Variants in UGGT1 observed in about 807,000 individuals in gnomAD.
UGGT1 encodes UDP-glucose glycoprotein glucosyltransferase 1.
A neutral mutation model predicts 203.9 loss-of-function variants in UGGT1; 107 were observed. That is an observed-to-expected ratio of 0.52 (90% CI 0.45 to 0.62). UGGT1 has a LOEUF of 0.62. Ranked by LOEUF, UGGT1 falls within the 20% of genes least tolerant of loss-of-function variation. UGGT1 has a pLI of 0.00. For synonymous variants in UGGT1, 628 were observed against 653.5 expected (o/e 0.96, Z 0.59); for missense variants, 1,673 against 1,867.2 (o/e 0.90, Z 1.92).
At chr2:128,142,581 T>C (rs1232826742) in intron 16 of UGGT1, among the ~76,000 whole-genome samples, 6 of 130,502 alleles carry the variant, frequency 4.6e-5, no homozygotes, top group Non-Finnish European at 8.0e-5. Context: ...TGAGACTCCA[T>C]CTCAAAAAAA....
At chr2:128,179,493 T>C (rs761415819) in intron 34 of UGGT1, among the ~76,000 whole-genome samples, 3 of 152,206 alleles carry the variant, frequency 2.0e-5, no homozygotes, top group Admixed American at 2.0e-4. Context: ...ATAACTAATA[T>C]ATCAGTTCAT....
chr2:128,124,306 A>C (rs959631402), intron 11 of UGGT1, among the ~76,000 whole-genome samples: 23 of 152,036 alleles, frequency 1.5e-4, no homozygotes, highest in Admixed American at 2.0e-4. Flanking sequence ...ATACAATTTT[A>C]GGTTGGAAGT....
chr2:128,091,906 C>T (rs752001016), intron 1 of UGGT1, among the ~76,000 whole-genome samples: 2 of 152,194 alleles, frequency 1.3e-5, no homozygotes, highest in Admixed American at 6.5e-5. Context: ...TCACTTTTAG[C>T]GTGGGACCTG....
At position 128,112,454 on chromosome 2, in the gene UGGT1, T is replaced by TTATACATATATATATATATATATATA. The variant is rs1553433489; in HGVS notation, c.522-626_522-625insCATATATATATATATATATATATATA. 3.6e-5 allele frequency among the ~76,000 whole-genome samples: 2 copies of TTATACATATATATATATATATATATA among 55,810 alleles called. 1 individual carries two copies. Among genetic ancestry groups the TTATACATATATATATATATATATATA allele is most frequent in the Non-Finnish European group, 7.5e-5 (2 of 26,608 alleles). 36.6% of individuals were successfully genotyped at this position (55,810 alleles called of 152,430 possible). The stretch of plus-strand genomic sequence containing the variant: ...AAAAAACCCCCCAAAAAATACTATG[T>TTATACATATATATATATATATATATA]TATATATATATATATATATTACATA... On this transcript the variant is annotated intron_variant, in intron 5 of 40. Transcript: ENST00000259253.
intron 3 of UGGT1, among the ~76,000 whole-genome samples, chr2:128,106,518 T>G (rs746840506): frequency 2.6e-5 from 4 of 152,190 alleles, no homozygotes; most frequent in Admixed American, 2.6e-4. Flanking sequence ...TTCTGGCTCA[T>G]AAAATGTTAA....
intron 2 of UGGT1, chr2:128,103,101 A>G (rs1472019362): frequency 2.1e-6 from 1 of 471,106 alleles, no homozygotes; most frequent in African/African-American, 2.0e-5. Context: ...GTGAGATTGT[A>G]CACCCCAGTG....
At chr2:128,187,325 A>G in intron 39 of UGGT1, 124 bp from the exon 40 acceptor site, 1 of 1,015,318 alleles carries the variant, frequency 9.8e-7, no homozygotes, top group East Asian at 2.7e-5. Flanking sequence ...TTCTGGTAGT[A>G]TATCATTTGG....
intron 17 of UGGT1, 58 bp downstream of exon 17, chr2:128,143,283 G>C (rs918517475): frequency 1.3e-6 from 2 of 1,501,510 alleles, no homozygotes; most frequent in Non-Finnish European, 1.8e-6. Context: ...CCTTAACCCC[G>C]TGTTTGGGGG....
intron 16 of UGGT1, among the ~76,000 whole-genome samples, chr2:128,139,434 A>AT (rs1043018328): frequency 7.9e-5 from 12 of 151,992 alleles, no homozygotes; most frequent in Non-Finnish European, 1.3e-4. Context: ...TTATTCATTT[A>AT]TTTTTTATTG....
chr2:128,093,899 G>A (rs1024469245), intron 1 of UGGT1, among the ~76,000 whole-genome samples: 17 of 152,310 alleles, frequency 1.1e-4, no homozygotes, highest in African/African-American at 4.1e-4. Context: ...AAGTAGACAT[G>A]GTTGCTCCCC....
intron 13 of UGGT1, 53 bp downstream of exon 13, chr2:128,129,232 A>G: frequency 1.3e-6 from 2 of 1,543,916 alleles, no homozygotes; most frequent in Non-Finnish European, 1.7e-6. Flanking sequence ...AATCTTTTTT[A>G]TGGTTTCTGA....
chr2:128,141,371 G>C (rs1689415371), intron 16 of UGGT1, among the ~76,000 whole-genome samples: 1 of 152,170 alleles, frequency 6.6e-6, no homozygotes, highest in East Asian at 2.0e-4. Context: ...CGAGGCAGGT[G>C]GATCACGAGA....
intron 5 of UGGT1, 115 bp downstream of exon 5, chr2:128,109,861 T>A: frequency 1.3e-6 from 1 of 790,654 alleles, no homozygotes. Context: ...TGGTTTAGAG[T>A]ATGGCTTCTG....
chr2:128,161,205 T>A lies in UGGT1; in HGVS notation c.2762T>A (p.Ile921Asn). The A allele has an allele frequency of 6.2e-7, 1 of 1,614,080 alleles. No individual in the cohort carries two copies. Among genetic ancestry groups the A allele is most frequent in the Non-Finnish European group, 8.5e-7 (1 of 1,179,990 alleles). The change falls in exon 25 of 41, where the codon ATC becomes AAC. Residue 921 changes from isoleucine (I) to asparagine (N), a missense_variant. Ile to Asn is a moderately radical substitution (Grantham distance 149, BLOSUM62 -3). This residue lies in a region of UGGT1 where 1,073 missense variants were observed against 1,078.7 expected (regional missense o/e 0.99). Coordinates refer to ENST00000259253, the MANE Select transcript of UGGT1 (RefSeq NM_020120.4). ...QDDFHLLENI[I>N]LKTSGQKIKS... ...GATTTCCACCTCCTCGAAAATATCA[T>A]CTTAAAAACCTCAGGACAGAAAATA...
rs72614431 is a variant in UGGT1 at position 128,117,978 on chromosome 2, C to G, written c.872+1635C>G. Reference sequence around the variant, plus strand: ...GGACATTTTGTGTGTGTGTGTGTGTCTGTGTGTGTGTGTGTGAGAGAGAGA... The same window carrying G: ...GGACATTTTGTGTGTGTGTGTGTGTGTGTGTGTGTGTGTGTGAGAGAGAGA... On this transcript the variant is annotated intron_variant, in intron 8 of 40. Transcript: ENST00000259253. Among the ~76,000 whole-genome samples the G allele has an allele frequency of 3.3e-4, 32 of 95,854 alleles. 1 individual carries two copies. Among genetic ancestry groups the G allele is most frequent in the African/African-American group, 9.0e-4 (10 of 11,096 alleles). 62.9% of individuals were successfully genotyped at this position (95,854 alleles called of 152,430 possible).
At chr2:128,175,785 G>C (rs998768891) in intron 31 of UGGT1, among the ~76,000 whole-genome samples, 1 of 151,980 alleles carries the variant, frequency 6.6e-6, no homozygotes, top group Non-Finnish European at 1.5e-5. Context: ...CCTCTTCCTA[G>C]CTGTTCAGGG....
At chr2:128,092,029 T>C (rs1686889161) in intron 1 of UGGT1, among the ~76,000 whole-genome samples, 1 of 152,198 alleles carries the variant, frequency 6.6e-6, no homozygotes, top group East Asian at 1.9e-4. Flanking sequence ...GAAGGAGCAA[T>C]TTTGTTCGTT....
In UGGT1 at chr2:128,159,737, C is replaced by T. The variant is rs1336828340; in HGVS notation, c.2562+17C>T. ...TCTGTTGGGGTAAGGCTCTGAGCCT[C>T]TCATGAGGCTGCCCCATTTTGTCTG... On this transcript the variant is annotated intron_variant, in intron 23 of 40. Coordinates refer to ENST00000259253, the MANE Select transcript of UGGT1 (RefSeq NM_020120.4). The T allele has an allele frequency of 6.2e-7, 1 of 1,609,080 alleles. No homozygotes were observed. The highest frequency in any genetic ancestry group is 8.5e-7 in the Non-Finnish European group (1 of 1,176,730).
intron 2 of UGGT1, among the ~76,000 whole-genome samples, chr2:128,101,545 A>T (rs922234384): frequency 3.3e-5 from 5 of 152,224 alleles, no homozygotes; most frequent in African/African-American, 1.2e-4. Context: ...ATAATCATTT[A>T]CTGAGTGCTA....
Sources: allele counts gnomAD v4.1 joint callset (sites outside exome capture counted in the v4.1 genomes callset), GRCh38; gene constraint gnomAD v4.1.1; regional missense constraint gnomAD v4.1.1; transcripts MANE v1.5; gene names NCBI Gene and HGNC (gene_info 2026-07-23, HGNC 2026-07-21).